CDKL4: variants seen among roughly 807,000 people sequenced by gnomAD.
The protein encoded by CDKL4 is cyclin dependent kinase like 4, also known as cyclin-dependent kinase-like 4.
Under a neutral mutation model 42.0 loss-of-function variants are expected in CDKL4, and 44 were observed. The observed-to-expected ratio is 1.05, with a 90% confidence interval of 0.82 to 1.35. The LOEUF (loss-of-function observed/expected upper bound fraction) is 1.35, where lower values mean the gene tolerates loss of function less well. CDKL4 is among the 40% of genes most tolerant of loss of function. CDKL4 has a pLI of 0.00. For missense variants in CDKL4, 393 were observed against 369.9 expected (o/e 1.06, Z -0.51); for synonymous variants, 120 against 121.6 (o/e 0.99, Z 0.09).
Position 39,218,084 on chromosome 2 carries a change from A to G in CDKL4, c.291-4612T>C, listed in dbSNP as rs567034439. On this transcript the variant is annotated intron_variant, in intron 3 of 9. Coordinates refer to ENST00000451199, the Ensembl canonical transcript of CDKL4. Reference sequence around the variant, plus strand: ...AGGCTGTTAATAACATTTTACTTCTATTTCTATGTTTACTTCTATTTCTAC... The same window carrying G: ...AGGCTGTTAATAACATTTTACTTCTGTTTCTATGTTTACTTCTATTTCTAC... Among the ~76,000 whole-genome samples the G allele has an allele frequency of 3.0e-4, 46 of 152,060 alleles. No homozygotes were observed. The South Asian group carries it at 4.6e-3, about 15-fold the overall frequency.
At chr2:39,177,586 G>T (rs1201832336) in intron 9 of CDKL4, among the ~76,000 whole-genome samples, 2 of 151,714 alleles carry the variant, frequency 1.3e-5, no homozygotes, top group East Asian at 1.9e-4. Context: ...TGTATTTTTA[G>T]TAGAGATGGG....
rs569883421 is a variant in CDKL4 at position 39,217,995 on chromosome 2, A to G, written c.291-4523T>C. 2.0e-5 allele frequency among the ~76,000 whole-genome samples: 3 copies of G among 152,172 alleles called. No individual in the cohort carries two copies. The South Asian group carries it at 6.2e-4, about 32-fold the overall frequency. ...TGATCTGCCTGCCTCGGCCTCCCAA[A>G]GTGTTGGGATTACAGGCGTGAGCCA... On this transcript the variant is annotated intron_variant, in intron 3 of 9. Coordinates refer to ENST00000451199, the Ensembl canonical transcript of CDKL4.
intron 2 of CDKL4, 86 bp from the exon 3 acceptor site, chr2:39,226,046 A>C (rs548777060): frequency 1.3e-3 from 1,673 of 1,309,892 alleles, no homozygotes; most frequent in Non-Finnish European, 1.6e-3. Flanking sequence ...TTAAAGTTGG[A>C]AGAAATTTAA....
intron 8 of CDKL4, among the ~76,000 whole-genome samples, chr2:39,182,710 T>C (rs999078188): frequency 1.3e-5 from 2 of 152,252 alleles, no homozygotes; most frequent in Admixed American, 6.5e-5. Flanking sequence ...GTCTATAGTC[T>C]TCTTCTTGAT....
At chr2:39,207,895 A>G (rs1677301450) in intron 4 of CDKL4, among the ~76,000 whole-genome samples, 1 of 152,156 alleles carries the variant, frequency 6.6e-6, no homozygotes, top group African/African-American at 2.4e-5. Context: ...TGAGGTCAGG[A>G]GTTCGAGACC....
chr2:39,219,074 T>C (rs890977535), intron 3 of CDKL4, among the ~76,000 whole-genome samples: 2 of 152,218 alleles, frequency 1.3e-5, no homozygotes, highest in Non-Finnish European at 2.9e-5. Context: ...GGGCAAGGAC[T>C]TTCTCTTGTC....
chr2:39,243,759 G>T (rs1679780565), intron 1 of CDKL4, among the ~76,000 whole-genome samples, 112 bp downstream of exon 1: 2 of 152,234 alleles, frequency 1.3e-5, no homozygotes. Flanking sequence ...TTCTTTCGGG[G>T]AACTTTTCTT....
intron 7 of CDKL4, among the ~76,000 whole-genome samples, chr2:39,185,265 CAT>C (rs1164447985): frequency 1.6e-3 from 30 of 19,312 alleles, no homozygotes; most frequent in South Asian, 4.4e-3. Flanking sequence ...TGTATATATA[CAT>C]ATATATACAC....
chr2:39,201,416 C>T (rs929379527), intron 5 of CDKL4, among the ~76,000 whole-genome samples: 4 of 151,962 alleles, frequency 2.6e-5, no homozygotes, highest in African/African-American at 9.6e-5. Context: ...TGTGGAGATT[C>T]CTTAAAGAAC....
At chr2:39,219,267 A>G (rs1383746778) in intron 3 of CDKL4, among the ~76,000 whole-genome samples, 1 of 152,202 alleles carries the variant, frequency 6.6e-6, no homozygotes, top group Non-Finnish European at 1.5e-5. Flanking sequence ...ATGGTAAAAG[A>G]AGTGGATGTG....
downstream of CDKL4, among the ~76,000 whole-genome samples, chr2:39,174,653 A>G (rs1675096107): frequency 6.6e-6 from 1 of 152,224 alleles, no homozygotes; most frequent in African/African-American, 2.4e-5. Flanking sequence ...CATTCAGTTA[A>G]GTATGCCAGA....
At chr2:39,224,396 T>C (rs763155728) in intron 3 of CDKL4, among the ~76,000 whole-genome samples, 1 of 152,022 alleles carries the variant, frequency 6.6e-6, no homozygotes, top group African/African-American at 2.4e-5. Context: ...TCCTTACATA[T>C]CTCAGTTTTG....
intron 5 of CDKL4, among the ~76,000 whole-genome samples, chr2:39,192,326 A>G (rs1676236324): frequency 6.6e-6 from 1 of 152,052 alleles, no homozygotes; most frequent in Admixed American, 6.6e-5. Flanking sequence ...CTTTTGGTGT[A>G]TTTTGTTGGA....
intron 5 of CDKL4, among the ~76,000 whole-genome samples, chr2:39,193,356 A>AATTATT (rs79269841): frequency 0.014 from 2,125 of 148,010 alleles, 34 homozygotes; most frequent in African/African-American, 0.048. Flanking sequence ...TCATTTATAA[A>AATTATT]ATTATTATTA....
chr2:39,209,022 T>G (rs1677398954), intron 4 of CDKL4, among the ~76,000 whole-genome samples: 1 of 150,950 alleles, frequency 6.6e-6, no homozygotes, highest in African/African-American at 2.4e-5. Flanking sequence ...TTTTGCCAGC[T>G]GGGCATGGTG....
In CDKL4 at chr2:39,211,374, C is replaced by T. The variant is rs186875542; in HGVS notation, c.363+2026G>A. Among the ~76,000 whole-genome samples the T allele has an allele frequency of 8.3e-4, 127 of 152,148 alleles. 1 individual carries two copies. The highest frequency in any genetic ancestry group is 3.4e-3 in the Middle Eastern group (1 of 294). ...CTGCACTCCAGCCTGGGCAGTAGAG[C>T]GAGACTGTCCCAAAAATATAATGAT... On this transcript the variant is annotated intron_variant, in intron 4 of 9. Transcript: ENST00000451199.
chr2:39,213,437 T>G, exon 4 of CDKL4: 1 of 1,611,602 alleles, frequency 6.2e-7, no homozygotes, highest in South Asian at 1.1e-5. Context: ...TTGAAGTGTT[T>G]GCCATAATAC....
intron 3 of CDKL4, among the ~76,000 whole-genome samples, chr2:39,215,248 T>G (rs1677844693): frequency 6.6e-6 from 1 of 152,354 alleles, no homozygotes; most frequent in South Asian, 2.1e-4. Context: ...GTTTAGTGAT[T>G]ATTATTTTTC....
intron 3 of CDKL4, among the ~76,000 whole-genome samples, chr2:39,216,973 A>G (rs1487245668): frequency 1.3e-5 from 2 of 152,170 alleles, no homozygotes; most frequent in Non-Finnish European, 2.9e-5. Flanking sequence ...TCAGGGGCAA[A>G]ACAACACCAC....
Sources: gnomAD v4.1 joint callset for allele counts (sites outside exome capture counted in the v4.1 genomes callset) on GRCh38, gnomAD v4.1.1 for gene constraint, MANE v1.5 for transcripts, NCBI Gene and HGNC (gene_info 2026-07-23, HGNC 2026-07-21) for gene names.